The following SHQ1 variants were observed in gnomAD, a reference collection of about 807,000 sequenced individuals.
SHQ1 encodes the protein protein SHQ1 homolog.
Under a neutral mutation model 53.8 loss-of-function variants are expected in SHQ1, and 49 were observed. That is an observed-to-expected ratio of 0.91 (90% CI 0.72 to 1.16). SHQ1 has a LOEUF of 1.16. SHQ1 is among the 50% of genes most tolerant of loss of function. SHQ1 has a pLI of 0.00. For synonymous variants in SHQ1, 243 were observed against 251.0 expected (o/e 0.97, Z 0.30); for missense variants, 738 against 683.1 (o/e 1.08, Z -0.90).
the SHQ1 span, among the ~76,000 whole-genome samples, chr3:72,738,545 G>T: frequency 6.6e-6 from 1 of 152,096 alleles, no homozygotes; most frequent in Non-Finnish European, 1.5e-5. Flanking sequence ...GGGGATGGGG[G>T]TGGGATGGGA....
chr3:72,847,587 T>A lies in SHQ1; in HGVS notation c.143+611A>T, dbSNP rs182269727. Among the ~76,000 whole-genome samples the A allele has an allele frequency of 9.3e-5, 14 of 151,058 alleles. No individual in the cohort carries two copies. In the East Asian group the frequency reaches 2.5e-3, roughly 27 times the overall value. On this transcript the variant is annotated intron_variant, in intron 1 of 10. Coordinates refer to ENST00000325599, the MANE Select transcript of SHQ1 (RefSeq NM_018130.3). The stretch of plus-strand genomic sequence containing the variant: ...AGAATAATTTAAACAGATCAAGTGC[T>A]GACAGACCCTCACGGAGACTTGGGG...
At chr3:72,820,049 A>G (rs1203193735) in intron 6 of SHQ1, among the ~76,000 whole-genome samples, 1 of 152,222 alleles carries the variant, frequency 6.6e-6, no homozygotes, top group African/African-American at 2.4e-5. Context: ...AAAAGTCTTT[A>G]TATCCTAGTT....
chr3:72,812,826 T>C, intron 8 of SHQ1, 32 bp from the exon 9 acceptor site: 1 of 1,612,680 alleles, frequency 6.2e-7, no homozygotes, highest in South Asian at 1.1e-5. Flanking sequence ...AGCAGTCATT[T>C]CCACAAAATG....
chr3:72,767,083 G>C (rs527780613), intron 10 of SHQ1, among the ~76,000 whole-genome samples: 1 of 152,296 alleles, frequency 6.6e-6, no homozygotes, highest in African/African-American at 2.4e-5. Context: ...GACTTTAGCG[G>C]CATAGGTACA....
intron 10 of SHQ1, among the ~76,000 whole-genome samples, chr3:72,762,607 CG>C (rs1559661451): frequency 6.6e-6 from 1 of 152,200 alleles, no homozygotes. Flanking sequence ...CCGTTCCATA[CG>C]GGCTGCTGGT....
chr3:72,842,466 C>A, intron 2 of SHQ1, 64 bp from the exon 3 acceptor site: 1 of 1,467,310 alleles, frequency 6.8e-7, no homozygotes, highest in Non-Finnish European at 9.3e-7. Flanking sequence ...CAATAGCTTA[C>A]ACCAGTAATC....
chr3:72,810,985 A>G (rs1707101659), intron 9 of SHQ1, among the ~76,000 whole-genome samples: 1 of 152,226 alleles, frequency 6.6e-6, no homozygotes, highest in Non-Finnish European at 1.5e-5. Flanking sequence ...TCAGAGTGAT[A>G]ATGAATAAAA....
chr3:72,760,950 A>T (rs1463098210), intron 10 of SHQ1, among the ~76,000 whole-genome samples: 1 of 152,200 alleles, frequency 6.6e-6, no homozygotes, highest in Non-Finnish European at 1.5e-5. Flanking sequence ...CTTTTATGAA[A>T]AGCCAATTGT....
intron 6 of SHQ1, among the ~76,000 whole-genome samples, chr3:72,822,906 T>C (rs1057112141): frequency 2.6e-5 from 4 of 152,096 alleles, no homozygotes; most frequent in Admixed American, 6.5e-5. Context: ...TCCCAGCACT[T>C]TGGGAGGCCG....
chr3:72,779,643 T>A (rs1423934972), intron 10 of SHQ1, among the ~76,000 whole-genome samples: 1 of 152,198 alleles, frequency 6.6e-6, no homozygotes, highest in East Asian at 1.9e-4. Context: ...GTTGAATGAA[T>A]GGACTGATGA....
intron 9 of SHQ1, among the ~76,000 whole-genome samples, chr3:72,808,900 G>A (rs528327508): frequency 6.6e-6 from 1 of 152,202 alleles, no homozygotes; most frequent in Non-Finnish European, 1.5e-5. Flanking sequence ...AAAATGATTT[G>A]TAATTCATTC....
downstream of SHQ1, among the ~76,000 whole-genome samples, chr3:72,746,083 T>G (rs1705254637): frequency 6.6e-6 from 1 of 152,170 alleles, no homozygotes; most frequent in Non-Finnish European, 1.5e-5. Flanking sequence ...CCTCAAGTGA[T>G]CTGTCTGCCT....
At chr3:72,796,546 C>CA (rs1706628643) in intron 9 of SHQ1, among the ~76,000 whole-genome samples, 1 of 152,136 alleles carries the variant, frequency 6.6e-6, no homozygotes, top group Non-Finnish European at 1.5e-5. Context: ...ACAGGCAGGG[C>CA]ATGGTGGCTC....
intron 10 of SHQ1, among the ~76,000 whole-genome samples, chr3:72,769,516 T>C (rs1212295156): frequency 1.3e-5 from 2 of 152,218 alleles, no homozygotes; most frequent in Non-Finnish European, 2.9e-5. Flanking sequence ...ATTTTTACTT[T>C]GGGATTTGCC....
At chr3:72,821,010 C>A (rs1707459071) in intron 6 of SHQ1, among the ~76,000 whole-genome samples, 1 of 152,198 alleles carries the variant, frequency 6.6e-6, no homozygotes, top group Non-Finnish European at 1.5e-5. Flanking sequence ...TCCCAAACAT[C>A]CCTCTTATCT....
chr3:72,774,978 G>T (rs1705925142), intron 10 of SHQ1, among the ~76,000 whole-genome samples: 1 of 152,078 alleles, frequency 6.6e-6, no homozygotes, highest in Admixed American at 6.5e-5. Context: ...AGCTGGGCAT[G>T]GTGGTGGGCA....
chr3:72,842,894 T>C (rs1708216439), intron 2 of SHQ1, among the ~76,000 whole-genome samples: 1 of 152,028 alleles, frequency 6.6e-6, no homozygotes, highest in Admixed American at 6.6e-5. Flanking sequence ...GCCAACATGG[T>C]GAAACCCCAT....
the SHQ1 span, among the ~76,000 whole-genome samples, chr3:72,738,884 T>C: frequency 6.6e-6 from 1 of 151,918 alleles, no homozygotes; most frequent in Non-Finnish European, 1.5e-5. Context: ...GCACGCGCAG[T>C]GGCCCCACCC....
intron 9 of SHQ1, chr3:72,793,294 T>A (rs1706501138): frequency 7.3e-6 from 2 of 273,782 alleles, no homozygotes; most frequent in Non-Finnish European, 1.4e-5. Context: ...GATCACGAGG[T>A]CAGGAGATCG....
Sources: allele counts gnomAD v4.1 joint callset (sites outside exome capture counted in the v4.1 genomes callset), GRCh38; gene constraint gnomAD v4.1.1; transcripts MANE v1.5; gene names NCBI Gene and HGNC (gene_info 2026-07-23, HGNC 2026-07-21).